Variants in CAMKMT observed in about 807,000 individuals in gnomAD.
The protein encoded by CAMKMT is calmodulin-lysine N-methyltransferase.
A neutral mutation model predicts 48.0 loss-of-function variants in CAMKMT; 53 were observed. That is an observed-to-expected ratio of 1.10 (90% CI 0.89 to 1.39). The LOEUF (loss-of-function observed/expected upper bound fraction) is 1.39. CAMKMT is among the 40% of genes most tolerant of loss of function. The pLI, the probability that CAMKMT is intolerant of heterozygous loss-of-function variation, is 0.00. For synonymous variants in CAMKMT, 165 were observed against 152.3 expected (o/e 1.08, Z -0.61); for missense variants, 428 against 402.7 (o/e 1.06, Z -0.54).
intron 10 of CAMKMT, among the ~76,000 whole-genome samples, chr2:44,769,098 A>C (rs1680990283): frequency 6.6e-6 from 1 of 152,036 alleles, no homozygotes; most frequent in African/African-American, 2.4e-5. Context: ...AACAGGGGAA[A>C]AAATTAGTTA....
Position 44,657,758 on chromosome 2 carries a change from A to C in CAMKMT, c.377-46525A>C, listed in dbSNP as rs946065025. On this transcript the variant is annotated intron_variant, in intron 3 of 10. Transcript: ENST00000378494. This position sits in a 1 kb window ranked among gnomAD's most constrained non-coding sequence, Gnocchi z 4.3. The stretch of plus-strand genomic sequence containing the variant: ...GGACCAAAAAAAGCTTATTTTGGTA[A>C]CCGAATAACTGACAATGATGGATTC... 6.6e-6 allele frequency among the ~76,000 whole-genome samples: 1 copy of C among 152,208 alleles called. No homozygotes were observed. The highest frequency in any genetic ancestry group is 2.4e-5 in the African/African-American group (1 of 41,452).
At chr2:44,497,328 A>T (rs929380909) in intron 3 of CAMKMT, among the ~76,000 whole-genome samples, 1 of 152,192 alleles carries the variant, frequency 6.6e-6, no homozygotes, top group Admixed American at 6.5e-5. Flanking sequence ...ATGGAAAAGA[A>T]CATTGTTCTT....
At chr2:44,502,291 G>T (rs533591148) in intron 3 of CAMKMT, among the ~76,000 whole-genome samples, 1 of 92,012 alleles carries the variant, frequency 1.1e-5, no homozygotes, top group East Asian at 2.2e-4. Flanking sequence ...TTGAATTGTT[G>T]TATCTCTCCC....
intron 3 of CAMKMT, among the ~76,000 whole-genome samples, chr2:44,675,175 A>G (rs552048690): frequency 1.3e-4 from 19 of 151,698 alleles, no homozygotes; most frequent in Non-Finnish European, 2.6e-4. Flanking sequence ...TCTCCTCTGT[A>G]TCCCCTAACC....
At chr2:44,646,587 T>C (rs887886891) in intron 3 of CAMKMT, among the ~76,000 whole-genome samples, 1 of 152,180 alleles carries the variant, frequency 6.6e-6, no homozygotes, top group African/African-American at 2.4e-5. Context: ...CTGTGCACTT[T>C]ATACTAAGGT....
intron 3 of CAMKMT, among the ~76,000 whole-genome samples, chr2:44,648,419 T>C (rs534723012): frequency 6.6e-6 from 1 of 152,294 alleles, no homozygotes; most frequent in East Asian, 1.9e-4. Context: ...TAAAATCTCA[T>C]ATGAGGAACC....
rs181418451 is a variant in CAMKMT, at chr2:44,624,704, T to C, written c.377-79579T>C. On this transcript the variant is annotated intron_variant, in intron 3 of 10. Transcript: ENST00000378494. ...TATTCCATGGTGTATATGTGCCACA[T>C]TTTCTTAATCCAGTCTATCATTGTT... Among the ~76,000 whole-genome samples, 213 of 152,304 alleles carry C rather than the reference T, an allele frequency of 1.4e-3. 1 individual carries two copies. The highest frequency in any genetic ancestry group is 4.9e-3 in the African/African-American group (204 of 41,568).
At chr2:44,413,212 G>A (rs934902460) in intron 3 of CAMKMT, among the ~76,000 whole-genome samples, 8 of 152,070 alleles carry the variant, frequency 5.3e-5, no homozygotes, top group African/African-American at 1.9e-4. Flanking sequence ...TTTTTCACTT[G>A]AGTGATCCTA....
chr2:44,368,986 A>G (rs1678898460), intron 1 of CAMKMT, among the ~76,000 whole-genome samples: 2 of 152,102 alleles, frequency 1.3e-5, no homozygotes, highest in Admixed American at 6.6e-5. Flanking sequence ...CCCAGGCTCA[A>G]GCAGTTCTCG....
At chr2:44,560,452 TC>T (rs1668262424) in intron 3 of CAMKMT, among the ~76,000 whole-genome samples, 1 of 152,078 alleles carries the variant, frequency 6.6e-6, no homozygotes, top group Non-Finnish European at 1.5e-5. Flanking sequence ...ATTTTTTTTT[TC>T]TGGAGACAGT....
chr2:44,662,592 T>C (rs1674739174), intron 3 of CAMKMT, among the ~76,000 whole-genome samples: 1 of 152,194 alleles, frequency 6.6e-6, no homozygotes, highest in African/African-American at 2.4e-5. Context: ...GGAAATAACA[T>C]TTTATTTAAT....
At chr2:44,675,864 A>G (rs1166821414) in intron 3 of CAMKMT, among the ~76,000 whole-genome samples, 1 of 151,968 alleles carries the variant, frequency 6.6e-6, no homozygotes. Flanking sequence ...CCATCATTCT[A>G]CTTTCTTTCT....
intron 3 of CAMKMT, among the ~76,000 whole-genome samples, chr2:44,533,772 G>T (rs1222534072): frequency 2.6e-5 from 4 of 152,028 alleles, no homozygotes; most frequent in Admixed American, 6.6e-5. Context: ...AAATGTTACC[G>T]CTAAAGAAAA....
At chr2:44,683,838 A>AAAAAAC (rs1553437597) in intron 3 of CAMKMT, among the ~76,000 whole-genome samples, 3 of 149,368 alleles carry the variant, frequency 2.0e-5, no homozygotes, top group African/African-American at 4.9e-5. Flanking sequence ...AAAAAAAAAA[A>AAAAAAC]AAAAAGAAAA....
intron 3 of CAMKMT, among the ~76,000 whole-genome samples, chr2:44,478,727 G>C (rs575381605): frequency 8.9e-5 from 12 of 135,550 alleles, no homozygotes; most frequent in African/African-American, 3.1e-4. Context: ...TTTGAGAGGC[G>C]TCTCGCTCTG....
intron 3 of CAMKMT, among the ~76,000 whole-genome samples, chr2:44,457,811 TG>T (rs1667647366): frequency 6.6e-6 from 1 of 152,222 alleles, no homozygotes. Context: ...TTTCTTCTTT[TG>T]GAAATTCTCA....
At position 44,742,512 on chromosome 2, in the gene CAMKMT, T is replaced by C. The variant is rs562932664; in HGVS notation, c.624-1110T>C. On this transcript the variant is annotated intron_variant, in intron 7 of 10. Transcript: ENST00000378494. ...GCTGCCCCTGTGAAGGCATGGTCTATGGCACAGCACAGGACCTGACACACA... is the reference window on the plus strand; with the variant it reads ...GCTGCCCCTGTGAAGGCATGGTCTACGGCACAGCACAGGACCTGACACACA... Among the ~76,000 whole-genome samples the C allele has an allele frequency of 4.6e-5, 7 of 152,308 alleles. No homozygotes were observed. In the South Asian group the frequency reaches 1.2e-3, roughly 27 times the overall value.
At chr2:44,407,233 T>A (rs1682844928) in intron 3 of CAMKMT, among the ~76,000 whole-genome samples, 1 of 152,156 alleles carries the variant, frequency 6.6e-6, no homozygotes, top group African/African-American at 2.4e-5. Flanking sequence ...TTTGCTCCCT[T>A]CACAGCTTTC....
chr2:44,474,446 C>CA lies in CAMKMT; in HGVS notation c.376+84158dup, dbSNP rs1222971931. ...TGGGTGACAGAGCGAGACTCCGTCTCAAAAAAAAAAAAAAAAAGAAAAAGA... is the reference window on the plus strand; with the variant it reads ...TGGGTGACAGAGCGAGACTCCGTCTCAAAAAAAAAAAAAAAAAAGAAAAAGA... On this transcript the variant is annotated intron_variant, in intron 3 of 10. Coordinates refer to ENST00000378494, the MANE Select transcript of CAMKMT (RefSeq NM_024766.5). 5.5e-3 allele frequency among the ~76,000 whole-genome samples: 315 copies of CA among 56,960 alleles called. 4 individuals are homozygous for CA. The highest frequency in any genetic ancestry group is 0.04 in the South Asian group (69 of 1,714). 37.4% of individuals were successfully genotyped at this position (56,960 alleles called of 152,430 possible).
Sources: allele counts gnomAD v4.1 joint callset (sites outside exome capture counted in the v4.1 genomes callset), GRCh38; gene constraint gnomAD v4.1.1; non-coding constraint Gnocchi (gnomAD v3.1); transcripts MANE v1.5; gene names NCBI Gene and HGNC (gene_info 2026-07-23, HGNC 2026-07-21).